Variants in IMPA1 observed in about 807,000 individuals in gnomAD.
The protein encoded by IMPA1 is D-galactose 1-phosphate phosphatase.
A neutral mutation model predicts 34.9 loss-of-function variants in IMPA1; 21 were observed. That is an observed-to-expected ratio of 0.60 (90% confidence interval 0.43 to 0.87). The LOEUF (loss-of-function observed/expected upper bound fraction) is 0.87. IMPA1 is among the 40% of genes least tolerant of loss of function. The pLI is 0.00. For synonymous variants in IMPA1, 95 were observed against 104.4 expected (o/e 0.91, Z 0.55); for missense variants, 299 against 336.4 (o/e 0.89, Z 0.87).
chr8:81,684,861 TA>T (rs1228634363), intron 1 of IMPA1, among the ~76,000 whole-genome samples: 10 of 136,188 alleles, frequency 7.3e-5, no homozygotes, highest in African/African-American at 1.1e-4. Context: ...ATACTATACA[TA>T]AGTATATTTA....
intron 7 of IMPA1, among the ~76,000 whole-genome samples, chr8:81,666,046 C>A (rs1042259925): frequency 6.6e-6 from 1 of 152,128 alleles, no homozygotes; most frequent in South Asian, 2.1e-4. Flanking sequence ...GAACTAGGAT[C>A]AAAAAGCGGG....
At chr8:81,685,581 G>C (rs1807490717) in intron 1 of IMPA1, among the ~76,000 whole-genome samples, 1 of 145,638 alleles carries the variant, frequency 6.9e-6, no homozygotes, top group Non-Finnish European at 1.5e-5. Context: ...GTATACAGAA[G>C]TATATTTATG....
At chr8:81,665,059 C>T (rs886845053) in intron 7 of IMPA1, among the ~76,000 whole-genome samples, 3 of 151,992 alleles carry the variant, frequency 2.0e-5, no homozygotes, top group South Asian at 2.1e-4. Flanking sequence ...GATCACAAAA[C>T]GAAGTGAAAA....
intron 7 of IMPA1, 97 bp downstream of exon 7, chr8:81,670,842 T>C: frequency 1.7e-6 from 1 of 593,956 alleles, no homozygotes. Context: ...AACCATGATG[T>C]ATATAATTTA....
chr8:81,686,163 G>T, intron 1 of IMPA1, 89 bp downstream of exon 1: 1 of 926,044 alleles, frequency 1.1e-6, no homozygotes, highest in Non-Finnish European at 1.4e-6. Context: ...CGGCGCTCGC[G>T]CCCGCTCCTG....
chr8:81,677,266 T>G (rs1807158384), intron 4 of IMPA1, among the ~76,000 whole-genome samples: 1 of 152,154 alleles, frequency 6.6e-6, no homozygotes, highest in Non-Finnish European at 1.5e-5. Flanking sequence ...CGGCTAATTT[T>G]GTATTTTACG....
At chr8:81,661,157 G>A (rs920278250) in intron 7 of IMPA1, among the ~76,000 whole-genome samples, 2 of 152,090 alleles carry the variant, frequency 1.3e-5, no homozygotes, top group Non-Finnish European at 2.9e-5. Flanking sequence ...AGCCTGCCTT[G>A]GAAAATTACT....
At chr8:81,672,326 G>C (rs899453568) in intron 6 of IMPA1, among the ~76,000 whole-genome samples, 12 of 152,152 alleles carry the variant, frequency 7.9e-5, no homozygotes, top group Non-Finnish European at 1.2e-4. Context: ...CAGAATGCCA[G>C]TACCTTTAAA....
chr8:81,676,614 T>C (rs1000118668), intron 4 of IMPA1, among the ~76,000 whole-genome samples: 1 of 152,258 alleles, frequency 6.6e-6, no homozygotes, highest in Admixed American at 6.5e-5. Context: ...AAACCAGAAA[T>C]GGAAGTGTGA....
rs953874949 is a variant in IMPA1, at chr8:81,684,122, CACACACAT to C, written c.-25+2122_-25+2129del. On this transcript the variant is annotated intron_variant, in intron 1 of 8. Coordinates refer to ENST00000256108, the MANE Select transcript of IMPA1 (RefSeq NM_005536.4). ...CTATATATATATATATATACACACA[CACACACAT>C]ACACACATACACACACACACACACA... 2.0e-4 allele frequency among the ~76,000 whole-genome samples: 24 copies of C among 117,918 alleles called. 1 individual carries two copies. The highest frequency in any genetic ancestry group is 3.9e-4 in the African/African-American group (13 of 33,756). The allele number at this position is 117,918 out of a possible 152,430, so 77.4% of individuals were successfully genotyped here. A position where few individuals can be genotyped will look rare whatever the true frequency, so the allele number is the denominator to read the frequency against.
At chr8:81,666,813 T>A (rs944926029) in intron 7 of IMPA1, among the ~76,000 whole-genome samples, 3 of 130,038 alleles carry the variant, frequency 2.3e-5, no homozygotes, top group Admixed American at 2.0e-4. Flanking sequence ...CAGGTTGCAG[T>A]GAACCGAGAT....
chr8:81,672,495 T>C (rs1807014172), intron 6 of IMPA1, among the ~76,000 whole-genome samples: 2 of 152,206 alleles, frequency 1.3e-5, no homozygotes, highest in Admixed American at 6.5e-5. Context: ...CAACAGTGTA[T>C]AGCCAATCAC....
At chr8:81,684,289 AG>A (rs1807401340) in intron 1 of IMPA1, among the ~76,000 whole-genome samples, 1 of 144,874 alleles carries the variant, frequency 6.9e-6, no homozygotes, top group African/African-American at 2.5e-5. Flanking sequence ...AAGTATATTT[AG>A]ATACTATATA....
rs1807498428 is a variant in IMPA1, at chr8:81,685,731, T to G, written c.-25+521A>C. 3 of 1,368,004 alleles carry G rather than the reference T, an allele frequency of 2.2e-6. No homozygotes were observed. The East Asian group carries it at 8.7e-5, about 40-fold the overall frequency. The allele number at this position is 1,368,004 out of a possible 1,614,324, so 84.7% of individuals were successfully genotyped here. A position where few individuals can be genotyped will look rare whatever the true frequency, so the allele number is the denominator to read the frequency against. ...TATATATATATAAATCACAGTACAT[T>G]TATTGATGGGCAGGGTCCGTAGTTT... is the stretch of plus-strand genomic sequence containing the variant. On this transcript the variant is annotated intron_variant, in intron 1 of 8. Transcript: ENST00000256108.
Position 81,657,980 on chromosome 8 carries a change from C to G in IMPA1, c.*1371G>C, listed in dbSNP as rs1450382495. On this transcript the variant is annotated 3_prime_UTR_variant, in exon 9 of 9. Coordinates refer to ENST00000256108, the MANE Select transcript of IMPA1 (RefSeq NM_005536.4). ...AATTTAAAGTTTTATTCATGATCGTCTTATTAAAATAAATTTAATTGCAAA... is the reference window on the plus strand; with the variant it reads ...AATTTAAAGTTTTATTCATGATCGTGTTATTAAAATAAATTTAATTGCAAA... 6.6e-6 allele frequency: 1 copy of G among 152,034 alleles called. No homozygotes were observed. The highest frequency in any genetic ancestry group is 1.5e-5 in the Non-Finnish European group (1 of 68,000). 9.4% of individuals were successfully genotyped at this position (152,034 alleles called of 1,614,324 possible).
In IMPA1 at chr8:81,660,616, G is replaced by A. The variant is rs200215384; in HGVS notation, c.618C>T (p.Gly206=). Residue 206 remains glycine (G), a synonymous_variant, in exon 8 of 9, where the codon GGC becomes GGT. Coordinates refer to ENST00000256108, the MANE Select transcript of IMPA1 (RefSeq NM_005536.4). The part of the protein sequence containing the change: ...AAVNMCLVAT[G]GADAYYEMGI... ...CCATTTCATAATATGCATCTGCTCC[G>A]CCAGTTGCCACAAGGCACATATTAA... The A allele has an allele frequency of 2.9e-5, 47 of 1,611,450 alleles. No individual in the cohort carries two copies. Among genetic ancestry groups the A allele is most frequent in the East Asian group, 6.7e-5 (3 of 44,862 alleles).
At chr8:81,672,868 A>G (rs1408262806) in intron 6 of IMPA1, among the ~76,000 whole-genome samples, 1 of 152,146 alleles carries the variant, frequency 6.6e-6, no homozygotes, top group African/African-American at 2.4e-5. Context: ...GGGGCATCAG[A>G]TCAGAGGAAT....
intron 8 of IMPA1, 132 bp downstream of exon 8, chr8:81,660,384 G>T: frequency 1.6e-6 from 1 of 630,926 alleles, no homozygotes; most frequent in Non-Finnish European, 2.7e-6. Flanking sequence ...TTTTGATTTT[G>T]CACACAATTA....
At chr8:81,680,823 T>C in intron 2 of IMPA1, 40 bp from the exon 3 acceptor site, 1 of 1,460,298 alleles carries the variant, frequency 6.8e-7, no homozygotes, top group Non-Finnish European at 9.5e-7. Context: ...AAAGGCATAA[T>C]TTTAAACAAA....
Sources: gnomAD v4.1 joint callset for allele counts (sites outside exome capture counted in the v4.1 genomes callset) on GRCh38, gnomAD v4.1.1 for gene constraint, MANE v1.5 for transcripts, NCBI Gene and HGNC (gene_info 2026-07-23, HGNC 2026-07-21) for gene names.